Variants in SNTG1 observed in about 807,000 individuals in gnomAD.
SNTG1 encodes the protein syntrophin gamma 1.
Under a neutral mutation model 74.7 loss-of-function variants are expected in SNTG1, and 39 were observed. The observed-to-expected ratio is 0.52, with a 90% CI of 0.40 to 0.68. The LOEUF is 0.68. Ranked by LOEUF, SNTG1 falls within the 30% of genes least tolerant of loss-of-function variation. SNTG1 has a pLI of 0.00. For synonymous variants in SNTG1, 254 were observed against 217.1 expected (o/e 1.17, Z -1.49); for missense variants, 685 against 609.5 (o/e 1.12, Z -1.30).
Position 49,929,513 on chromosome 8 carries a change from G to C in SNTG1, c.-103+17282G>C, listed in dbSNP as rs534876746. ...ATGGAGGTCTTTTGTGAGGTAATCTGTGCATCCCACTCAGGGACATCCTCT... is the reference window on the plus strand; with the variant it reads ...ATGGAGGTCTTTTGTGAGGTAATCTCTGCATCCCACTCAGGGACATCCTCT... On this transcript the variant is annotated intron_variant, in intron 1 of 18. Transcript: ENST00000642720. Among the ~76,000 whole-genome samples, 491 of 152,270 alleles carry C rather than the reference G, an allele frequency of 3.2e-3. 3 individuals carry two copies. Among genetic ancestry groups the C allele is most frequent in the African/African-American group, 0.011 (469 of 41,556 alleles).
intron 2 of SNTG1, among the ~76,000 whole-genome samples, chr8:50,249,758 C>T (rs1487633389): frequency 1.3e-5 from 2 of 152,132 alleles, no homozygotes; most frequent in African/African-American, 2.4e-5. Context: ...CTACTGAGTT[C>T]ACCCAGAACC....
chr8:50,214,268 GGA>G (rs2084666954), intron 2 of SNTG1, among the ~76,000 whole-genome samples: 1 of 102,528 alleles, frequency 9.8e-6, no homozygotes, highest in Non-Finnish European at 1.8e-5. Flanking sequence ...TGGGGTGGGG[GGA>G]GGGGGGAGGG....
At chr8:50,665,882 A>C (rs1303871311) in intron 15 of SNTG1, among the ~76,000 whole-genome samples, 1 of 152,210 alleles carries the variant, frequency 6.6e-6, no homozygotes, top group Non-Finnish European at 1.5e-5. Flanking sequence ...GTACCTCCTC[A>C]GAAATAACTT....
chr8:50,267,794 G>A (rs1322040745), intron 2 of SNTG1, among the ~76,000 whole-genome samples: 1 of 152,118 alleles, frequency 6.6e-6, no homozygotes, highest in East Asian at 1.9e-4. Flanking sequence ...AAGAATTAAT[G>A]AGAACTAACT....
At chr8:50,775,843 A>T (rs1321940733) in intron 18 of SNTG1, among the ~76,000 whole-genome samples, 1 of 151,558 alleles carries the variant, frequency 6.6e-6, no homozygotes. Context: ...TTGTAGATTT[A>T]TGCTTGTATT....
intron 2 of SNTG1, among the ~76,000 whole-genome samples, chr8:50,179,056 T>C (rs1364781787): frequency 6.6e-6 from 1 of 152,218 alleles, no homozygotes; most frequent in Admixed American, 6.5e-5. Flanking sequence ...TGAGTACTGA[T>C]TCCCAGTTAT....
chr8:50,212,297 T>C (rs1304113672), intron 2 of SNTG1, among the ~76,000 whole-genome samples: 2 of 152,138 alleles, frequency 1.3e-5, no homozygotes, highest in African/African-American at 4.8e-5. Flanking sequence ...ATTTTAACCA[T>C]AAGTAAAGCT....
chr8:50,608,308 C>T (rs1016453762), intron 13 of SNTG1, among the ~76,000 whole-genome samples: 17 of 151,546 alleles, frequency 1.1e-4, no homozygotes, highest in African/African-American at 4.1e-4. Flanking sequence ...ACGTAAATCT[C>T]CAACTCTCAT....
chr8:50,245,316 C>A (rs970136732), intron 2 of SNTG1, among the ~76,000 whole-genome samples: 5 of 152,132 alleles, frequency 3.3e-5, no homozygotes, highest in African/African-American at 9.7e-5. Context: ...TCTTTGGTTT[C>A]TTCTGCTTTT....
rs1010998643 is a variant in SNTG1 at position 50,703,322 on chromosome 8, C to G, written c.1039-1278C>G. Among the ~76,000 whole-genome samples the G allele has an allele frequency of 2.7e-5, 4 of 150,274 alleles. No homozygotes were observed. In the Admixed American group the frequency reaches 2.7e-4, roughly 10 times the overall value. On this transcript the variant is annotated intron_variant, in intron 15 of 18. Coordinates refer to ENST00000642720, the MANE Select transcript of SNTG1 (RefSeq NM_018967.5). ...TTACAAATTACTTTTTTATTTTTGG[C>G]TTTTTAAAATTTTTATAAAAAATAA... is the stretch of plus-strand genomic sequence containing the variant.
intron 9 of SNTG1, among the ~76,000 whole-genome samples, chr8:50,524,091 G>C (rs1465640578): frequency 6.6e-6 from 1 of 151,770 alleles, no homozygotes; most frequent in Non-Finnish European, 1.5e-5. Context: ...GTTTTTTGTA[G>C]TTCCATGCTT....
At chr8:50,772,140 G>A (rs1371188010) in intron 18 of SNTG1, among the ~76,000 whole-genome samples, 1 of 151,984 alleles carries the variant, frequency 6.6e-6, no homozygotes, top group East Asian at 1.9e-4. Flanking sequence ...TGAGACCTCT[G>A]AATTATAGAG....
At chr8:50,417,112 T>A (rs892837155) in intron 4 of SNTG1, among the ~76,000 whole-genome samples, 1 of 152,140 alleles carries the variant, frequency 6.6e-6, no homozygotes, top group African/African-American at 2.4e-5. Context: ...TTATAAAAAA[T>A]TTATCTTCAA....
At chr8:50,573,376 T>A (rs1282814795) in intron 12 of SNTG1, among the ~76,000 whole-genome samples, 8 of 152,016 alleles carry the variant, frequency 5.3e-5, no homozygotes. Context: ...TCCAAGCAGA[T>A]CTTTATTAAA....
chr8:50,323,631 A>G (rs1336230210), intron 2 of SNTG1, among the ~76,000 whole-genome samples: 2 of 152,152 alleles, frequency 1.3e-5, no homozygotes, highest in African/African-American at 2.4e-5. Flanking sequence ...TTATTTTCTC[A>G]GAAACAAGCA....
intron 2 of SNTG1, among the ~76,000 whole-genome samples, chr8:50,183,514 GC>G (rs1273548686): frequency 6.6e-6 from 1 of 152,056 alleles, no homozygotes; most frequent in Non-Finnish European, 1.5e-5. Flanking sequence ...ACCTTCAAGT[GC>G]CCATAGCACG....
intron 2 of SNTG1, among the ~76,000 whole-genome samples, chr8:50,368,346 C>T (rs2092175029): frequency 6.6e-6 from 1 of 152,036 alleles, no homozygotes. Context: ...TGGCTTGGGT[C>T]CTCCTTAAGG....
chr8:50,323,442 T>TTA (rs1172381817), intron 2 of SNTG1, among the ~76,000 whole-genome samples: 1 of 152,186 alleles, frequency 6.6e-6, no homozygotes, highest in Non-Finnish European at 1.5e-5. Flanking sequence ...AATTAGGTAT[T>TTA]TATTATAGTC....
chr8:50,737,746 T>C (rs140721763), intron 17 of SNTG1, among the ~76,000 whole-genome samples: 28 of 152,302 alleles, frequency 1.8e-4, no homozygotes, highest in African/African-American at 5.8e-4. Context: ...GACATAAGGC[T>C]GTTTCAACGT....
Sources: allele counts gnomAD v4.1 joint callset (sites outside exome capture counted in the v4.1 genomes callset), GRCh38; gene constraint gnomAD v4.1.1; transcripts MANE v1.5; gene names NCBI Gene and HGNC (gene_info 2026-07-23, HGNC 2026-07-21).